HEG1: variants seen among roughly 807,000 people sequenced by gnomAD.
HEG1 encodes protein HEG homolog 1.
A neutral mutation model predicts 125.6 loss-of-function variants in HEG1; 56 were observed. That is an observed-to-expected ratio of 0.45 (90% CI 0.36 to 0.56). The LOEUF (loss-of-function observed/expected upper bound fraction) is 0.56. Ranked by LOEUF, HEG1 falls within the 20% of genes least tolerant of loss-of-function variation. HEG1 has a pLI of 0.00. For synonymous variants in HEG1, 644 were observed against 668.5 expected, an observed-to-expected ratio of 0.96 and a Z score of 0.57; for missense variants, 1,523 against 1,670.0, an observed-to-expected ratio of 0.91 and a Z score of 1.53.
intron 1 of HEG1, among the ~76,000 whole-genome samples, chr3:125,050,137 ACT>A (rs1937770037): frequency 1.5e-5 from 2 of 135,712 alleles, no homozygotes; most frequent in African/African-American, 2.8e-5. Flanking sequence ...TCATCCACCA[ACT>A]CTCTTTTTTT....
In HEG1 at chr3:125,009,543, C is replaced by T. The variant is rs998817766; in HGVS notation, c.3193+162G>A. On this transcript the variant is annotated intron_variant, in intron 8 of 16. Transcript: ENST00000311127. ...AATGCAAAGTAGGGTGTTCTATCTC[C>T]AAGTATTAGAATAATGGACAATAGC... The T allele has an allele frequency of 1.4e-4, 86 of 596,634 alleles. No individual in the cohort carries two copies. In the East Asian group the frequency reaches 2.1e-3, roughly 14 times the overall value. The allele number at this position is 596,634 out of a possible 1,614,324, so 37.0% of individuals were successfully genotyped here.
Position 125,034,977 on chromosome 3 carries a change from T to C in HEG1, c.317-5489A>G, listed in dbSNP as rs190270209. ...TAGAAGTGAAAACATTGATTTAATT[T>C]TTATTTTTTTATTTGAGACAGAGTC... is the stretch of plus-strand genomic sequence containing the variant. On this transcript the variant is annotated intron_variant, in intron 1 of 16. Transcript: ENST00000311127. Among the ~76,000 whole-genome samples, 239 of 152,214 alleles carry C rather than the reference T, an allele frequency of 1.6e-3. 1 individual carries two copies. The highest frequency in any genetic ancestry group is 5.6e-3 in the African/African-American group (233 of 41,532).
At chr3:125,004,253 A>G (rs1937039485) in intron 9 of HEG1, among the ~76,000 whole-genome samples, 1 of 152,202 alleles carries the variant, frequency 6.6e-6, no homozygotes, top group Non-Finnish European at 1.5e-5. Flanking sequence ...TTCCTAGCTA[A>G]TATACTAACT....
In HEG1 at chr3:125,019,585, T is replaced by C; in HGVS notation, c.1265A>G (p.His422Arg). The C allele has an allele frequency of 1.9e-6, 3 of 1,604,138 alleles. No individual in the cohort carries two copies. The highest frequency in any genetic ancestry group is 2.6e-6 in the Non-Finnish European group (3 of 1,171,510). ...WQNDSPTFGE[H>R]QLASSSEVQN... Reference sequence around the variant, plus strand: ...CACCTCAGAGCTGCTGGCAAGCTGATGTTCTCCAAAGGCTGTAAGGTAATA... The same window carrying C: ...CACCTCAGAGCTGCTGGCAAGCTGACGTTCTCCAAAGGCTGTAAGGTAATA... The change falls in exon 5 of 17, where the codon CAT (histidine) becomes CGT (arginine). Residue 422 changes from histidine (H) to arginine (R), a missense_variant. By Grantham distance (29) the His-to-Arg change is conservative. Transcript: ENST00000311127.
intron 14 of HEG1, among the ~76,000 whole-genome samples, chr3:124,987,736 G>A (rs967307403): frequency 6.6e-6 from 1 of 150,440 alleles, no homozygotes; most frequent in Non-Finnish European, 1.5e-5. Flanking sequence ...TAGCCAGGAC[G>A]GTCTCAATCT....
At chr3:124,971,145 C>T (rs949077076) in intron 16 of HEG1, 4 of 480,072 alleles carry the variant, frequency 8.3e-6, no homozygotes, top group Non-Finnish European at 1.6e-5. Context: ...CAAAAAAAGG[C>T]TCCCTGGGAA....
chr3:124,978,662 C>A (rs1253603299), intron 14 of HEG1, among the ~76,000 whole-genome samples: 1 of 152,000 alleles, frequency 6.6e-6, no homozygotes, highest in African/African-American at 2.4e-5. Context: ...AAGATGGATG[C>A]CTTTTATCAT....
chr3:125,039,255 A>G (rs1275936653), intron 1 of HEG1, among the ~76,000 whole-genome samples: 1 of 152,096 alleles, frequency 6.6e-6, no homozygotes, highest in Non-Finnish European at 1.5e-5. Context: ...GTGAACCAGC[A>G]TCATCAGGGA....
At chr3:125,047,604 C>G (rs1022979546) in intron 1 of HEG1, among the ~76,000 whole-genome samples, 2 of 152,206 alleles carry the variant, frequency 1.3e-5, no homozygotes, top group Admixed American at 6.5e-5. Flanking sequence ...AAAAGTCTCA[C>G]CACATGGCCA....
chr3:125,007,484 G>C (rs918519183), intron 8 of HEG1, among the ~76,000 whole-genome samples: 9 of 152,104 alleles, frequency 5.9e-5, no homozygotes, highest in Non-Finnish European at 1.0e-4. Flanking sequence ...TTTTGGGAAA[G>C]AGCCATAATT....
chr3:125,007,755 A>T (rs1003382628), intron 8 of HEG1, among the ~76,000 whole-genome samples: 3 of 152,178 alleles, frequency 2.0e-5, no homozygotes, highest in Non-Finnish European at 2.9e-5. Context: ...CTAGAAGCAA[A>T]TCATTTGAGT....
chr3:125,030,947 C>T (rs536091844), intron 1 of HEG1, among the ~76,000 whole-genome samples: 55 of 152,212 alleles, frequency 3.6e-4, no homozygotes, highest in Non-Finnish European at 5.9e-5. Flanking sequence ...TGGACTGTTA[C>T]TTGAACCCCG....
chr3:125,004,676 G>C lies in HEG1; in HGVS notation c.3297+589C>G, dbSNP rs557667551. Among the ~76,000 whole-genome samples the C allele has an allele frequency of 3.3e-5, 5 of 151,638 alleles. No homozygotes were observed. The East Asian group carries it at 7.7e-4, about 24-fold the overall frequency. ...AGCTAACTTTTGTCTTTTTTGTAGA[G>C]ACAGGGTCTTGCCATGCTGCCCAGG... is the stretch of plus-strand genomic sequence containing the variant. On this transcript the variant is annotated intron_variant, in intron 9 of 16. Transcript: ENST00000311127.
intron 14 of HEG1, among the ~76,000 whole-genome samples, chr3:124,987,523 C>CTT (rs1204657705): frequency 1.5e-4 from 20 of 136,168 alleles, no homozygotes; most frequent in African/African-American, 2.4e-4. Context: ...TTCTTTTTTT[C>CTT]TTTTTTTTTT....
intron 12 of HEG1, among the ~76,000 whole-genome samples, chr3:124,993,388 G>A (rs919842954): frequency 2.6e-5 from 4 of 152,138 alleles, no homozygotes; most frequent in African/African-American, 9.7e-5. Context: ...AAGGAGTAAC[G>A]AGGCCCCATC....
intron 14 of HEG1, among the ~76,000 whole-genome samples, chr3:124,988,648 G>C (rs1033836913): frequency 3.3e-5 from 5 of 152,218 alleles, no homozygotes; most frequent in African/African-American, 1.2e-4. Flanking sequence ...GCCGGGCACG[G>C]TGGCTCACGC....
intron 3 of HEG1, among the ~76,000 whole-genome samples, chr3:125,024,405 A>T (rs530638591): frequency 6.6e-6 from 1 of 152,302 alleles, no homozygotes; most frequent in East Asian, 1.9e-4. Context: ...AGCCACTCTC[A>T]CACAATTCAA....
chr3:125,046,681 A>C (rs1337477112), intron 1 of HEG1, among the ~76,000 whole-genome samples: 1 of 152,212 alleles, frequency 6.6e-6, no homozygotes, highest in Admixed American at 6.5e-5. Flanking sequence ...GGAAACACAA[A>C]ACTTCAAAGA....
intron 12 of HEG1, among the ~76,000 whole-genome samples, chr3:124,994,020 T>A (rs576364290): frequency 6.6e-6 from 1 of 152,308 alleles, no homozygotes; most frequent in Non-Finnish European, 1.5e-5. Flanking sequence ...TCACTCACCC[T>A]AGAGCAGCAG....
Sources: allele counts gnomAD v4.1 joint callset (sites outside exome capture counted in the v4.1 genomes callset), GRCh38; gene constraint gnomAD v4.1.1; transcripts MANE v1.5; gene names NCBI Gene and HGNC (gene_info 2026-07-23, HGNC 2026-07-21).